Variants in HSD3B1 observed in about 807,000 individuals in gnomAD.
The protein encoded by HSD3B1 is 3 beta-hydroxysteroid dehydrogenase/Delta 5-->4-isomerase type 1.
In HSD3B1, 11 loss-of-function variants were observed where a neutral mutation model predicts 10.4. The ratio of observed to expected loss-of-function variants is 1.05; its 90% CI spans 0.66 to 1.75. HSD3B1 has a LOEUF of 1.75. Ranked by LOEUF, HSD3B1 falls within the 40% of genes most tolerant of loss-of-function variation. The probability of loss-of-function intolerance (pLI) is 0.00; values close to 1 mark genes in which losing one functional copy is unlikely to be tolerated. For synonymous variants in HSD3B1, 217 were observed against 185.4 expected (o/e 1.17, Z -1.39); for missense variants, 490 against 454.5 (o/e 1.08, Z -0.71).
At chr1:119,513,579 A>G (rs1331759930) in intron 3 of HSD3B1, among the ~76,000 whole-genome samples, 1 of 152,160 alleles carries the variant, frequency 6.6e-6, no homozygotes, top group Non-Finnish European at 1.5e-5. Flanking sequence ...AAGTACACAC[A>G]CACACACATC....
At chr1:119,510,822 G>A (rs1653917492) in intron 2 of HSD3B1, among the ~76,000 whole-genome samples, 2 of 133,162 alleles carry the variant, frequency 1.5e-5, no homozygotes, top group South Asian at 2.7e-4. Context: ...TCACTGCCAG[G>A]AACCAGAGAC....
chr1:119,508,185 G>A lies in HSD3B1; in HGVS notation c.145+564G>A, dbSNP rs189605024. On this transcript the variant is annotated intron_variant, in intron 2 of 3. Transcript: ENST00000369413. ...GAGAGAGAGTCGGGGAGAGAGAGTC[G>A]GGGAGAGAGACTCAGAGAGAGAGAC... Among the ~76,000 whole-genome samples, 7 of 151,828 alleles carry A rather than the reference G, an allele frequency of 4.6e-5. No homozygotes were observed. In the East Asian group the frequency reaches 5.8e-4, roughly 13 times the overall value.
At position 119,513,910 on chromosome 1, in the gene HSD3B1, C is replaced by T. The variant is rs752981553; in HGVS notation, c.387C>T (p.Ala129=). The part of the protein sequence containing the change: ...VFIYTSSIEV[A]GPNSYKEIIQ... Reference sequence around the variant, plus strand: ...TCTACACCAGTAGCATAGAGGTAGCCGGGCCCAACTCCTACAAGGAAATCA... The same window carrying T: ...TCTACACCAGTAGCATAGAGGTAGCTGGGCCCAACTCCTACAAGGAAATCA... Residue 129 remains alanine, a synonymous_variant, in exon 4 of 4, where the codon GCC becomes GCT. Transcript: ENST00000369413. The T allele has an allele frequency of 9.3e-6, 15 of 1,613,866 alleles. No homozygotes were observed. Among genetic ancestry groups the T allele is most frequent in the African/African-American group, 2.7e-5 (2 of 74,860 alleles).
intron 2 of HSD3B1, among the ~76,000 whole-genome samples, chr1:119,508,643 A>G (rs1320031838): frequency 6.6e-6 from 1 of 152,182 alleles, no homozygotes; most frequent in Admixed American, 6.5e-5. Flanking sequence ...GTGGATCTTC[A>G]GTCTCTCCCT....
intron 2 of HSD3B1, among the ~76,000 whole-genome samples, chr1:119,510,521 C>A (rs1167161351): frequency 6.6e-6 from 1 of 151,918 alleles, no homozygotes; most frequent in African/African-American, 2.4e-5. Flanking sequence ...ATATCTCTCC[C>A]CTCCTCTGCT....
intron 2 of HSD3B1, among the ~76,000 whole-genome samples, chr1:119,510,870 G>A (rs148019371): frequency 2.0e-5 from 3 of 151,278 alleles, no homozygotes; most frequent in Non-Finnish European, 4.4e-5. Flanking sequence ...AGTCTGCAGA[G>A]TAGCTGGGAC....
rs1280451438 is a variant in HSD3B1, at chr1:119,507,561, C to G, written c.85C>G (p.Leu29Val). ...IIRLLVKEKE[L>V]KEIRVLDKAF... ...CCGCCTCTTGGTGAAGGAGAAGGAG[C>G]TGAAGGAGATCAGGGTCTTGGACAA... Residue 29 changes from leucine to valine, a missense_variant, in exon 2 of 4, where the codon CTG becomes GTG. By Grantham distance (32) the Leu-to-Val change is conservative. Coordinates refer to ENST00000369413, the MANE Select transcript of HSD3B1 (RefSeq NM_000862.3). 1 of 1,613,956 alleles carries G rather than the reference C, an allele frequency of 6.2e-7. No individual in the cohort carries two copies.
chr1:119,511,763 C>A, intron 3 of HSD3B1, 96 bp downstream of exon 3: 2 of 1,224,568 alleles, frequency 1.6e-6, no homozygotes, highest in Non-Finnish European at 2.4e-6. Flanking sequence ...TGAACACCTG[C>A]TGTGCTCTGG....
chr1:119,509,447 G>A (rs1285550448), intron 2 of HSD3B1, among the ~76,000 whole-genome samples: 1 of 152,170 alleles, frequency 6.6e-6, no homozygotes, highest in African/African-American at 2.4e-5. Flanking sequence ...CTAGATCCCT[G>A]GGAACTCACT....
At chr1:119,511,053 C>T (rs1183026150) in intron 2 of HSD3B1, among the ~76,000 whole-genome samples, 2 of 152,016 alleles carry the variant, frequency 1.3e-5, no homozygotes, top group African/African-American at 2.4e-5. Context: ...GCCTTTTTGT[C>T]ATTTTATTCC....
intron 2 of HSD3B1, among the ~76,000 whole-genome samples, chr1:119,508,912 C>G (rs1387680776): frequency 1.3e-5 from 2 of 152,190 alleles, no homozygotes; most frequent in Non-Finnish European, 2.9e-5. Flanking sequence ...GCTTATAATC[C>G]TTGCCTGTGT....
rs762374640 is a variant in HSD3B1 at position 119,514,194 on chromosome 1, T to TG, written c.671_672insG (p.Tyr225LeufsTer35). 1,562 of 1,614,046 alleles carry TG rather than the reference T, an allele frequency of 9.7e-4. 1 individual carries two copies. Among genetic ancestry groups the TG allele is most frequent in the Non-Finnish European group, 1.3e-3 (1,478 of 1,179,984 alleles). ...GGAAAGTTCTCCACTGTTAACCCAG[T>TG]CTATGTTGGCAATGTGGCCTGGGCC... On this transcript the variant is annotated frameshift_variant, in exon 4 of 4. Coordinates refer to ENST00000369413, the MANE Select transcript of HSD3B1 (RefSeq NM_000862.3). LOFTEE classifies it low-confidence loss of function (END_TRUNC).
At chr1:119,510,016 CT>C (rs1394336026) in intron 2 of HSD3B1, among the ~76,000 whole-genome samples, 1 of 152,190 alleles carries the variant, frequency 6.6e-6, no homozygotes, top group Non-Finnish European at 1.5e-5. Flanking sequence ...AGTTTCCTCA[CT>C]GATAAAGTGG....
At chr1:119,510,717 CTTTTTTTTTTTTTTTT>C (rs962978657) in intron 2 of HSD3B1, among the ~76,000 whole-genome samples, 45 of 54,170 alleles carry the variant, frequency 8.3e-4, no homozygotes, top group South Asian at 1.5e-3. Flanking sequence ...GTGTGGTTTT[CTTTTTTTTTTTTTTTT>C]TTTTTTTTTT....
chr1:119,512,533 T>G (rs1392580992), intron 3 of HSD3B1, among the ~76,000 whole-genome samples: 1 of 148,926 alleles, frequency 6.7e-6, no homozygotes, highest in East Asian at 1.9e-4. Context: ...CTACTCTGAC[T>G]CTTTTTCCAA....
chr1:119,512,914 A>C (rs1318510315), intron 3 of HSD3B1, among the ~76,000 whole-genome samples: 1 of 152,230 alleles, frequency 6.6e-6, no homozygotes, highest in Non-Finnish European at 1.5e-5. Flanking sequence ...TAAGAATACA[A>C]AAATTTGTAA....
intron 3 of HSD3B1, 127 bp downstream of exon 3, chr1:119,511,794 A>G: frequency 1.2e-6 from 1 of 866,900 alleles, no homozygotes; most frequent in Admixed American, 1.9e-5. Context: ...TTTGCTGATC[A>G]CTACGAATAG....
chr1:119,513,835 T>A lies in HSD3B1; in HGVS notation c.312T>A (p.Gly104=). ...RESIMNVNVK[G]TQLLLEACVQ... is the part of the protein sequence containing the mutation. ...TGACAATATGCTCTTCATGGACAGG[T>A]ACCCAGCTCCTGTTAGAGGCCTGTG... Residue 104 remains glycine, a splice_region_variant and synonymous_variant, in exon 4 of 4, where the codon GGT becomes GGA. Coordinates refer to ENST00000369413, the MANE Select transcript of HSD3B1 (RefSeq NM_000862.3). 1 of 1,613,392 alleles carries A rather than the reference T, an allele frequency of 6.2e-7. No individual in the cohort carries two copies. The highest frequency in any genetic ancestry group is 1.3e-5 in the African/African-American group (1 of 75,006).
chr1:119,510,137 T>C (rs1229167730), intron 2 of HSD3B1, among the ~76,000 whole-genome samples: 3 of 152,318 alleles, frequency 2.0e-5, no homozygotes, highest in East Asian at 1.9e-4. Flanking sequence ...CCAAGCTCCA[T>C]GTAGCATGGT....
Sources: allele counts gnomAD v4.1 joint callset (sites outside exome capture counted in the v4.1 genomes callset), GRCh38; gene constraint gnomAD v4.1.1; transcripts MANE v1.5; gene names NCBI Gene and HGNC (gene_info 2026-07-23, HGNC 2026-07-21).